The following CTNNBL1 variants were observed in gnomAD, a reference collection of about 807,000 sequenced individuals.
CTNNBL1 encodes catenin beta like 1.
A neutral mutation model predicts 72.7 loss-of-function variants in CTNNBL1; 31 were observed. The observed-to-expected ratio is 0.43, with a 90% CI of 0.32 to 0.58. The LOEUF (loss-of-function observed/expected upper bound fraction) is 0.58, where lower values mean the gene tolerates loss of function less well. Ranked by LOEUF, CTNNBL1 falls within the 20% of genes least tolerant of loss-of-function variation. The probability of loss-of-function intolerance (pLI) is 0.08; values close to 1 mark genes in which losing one functional copy is unlikely to be tolerated. For synonymous variants in CTNNBL1, 240 were observed against 267.3 expected, an observed-to-expected ratio of 0.90 and a Z score of 1.00; for missense variants, 534 against 725.1, an observed-to-expected ratio of 0.74 and a Z score of 3.03.
chr20:37,864,444 A>G (rs775303350), intron 15 of CTNNBL1, among the ~76,000 whole-genome samples: 1 of 152,190 alleles, frequency 6.6e-6, no homozygotes, highest in Non-Finnish European at 1.5e-5. Context: ...TGATGAGGCA[A>G]GCCCAGCGGG....
chr20:37,710,927 C>T (rs1218014392), intron 1 of CTNNBL1, among the ~76,000 whole-genome samples: 3 of 152,284 alleles, frequency 2.0e-5, no homozygotes, highest in African/African-American at 7.2e-5. Flanking sequence ...CCTCTGCTTT[C>T]GTCTCCTCTC....
At chr20:37,858,578 A>T (rs945613960) in intron 13 of CTNNBL1, among the ~76,000 whole-genome samples, 4 of 144,094 alleles carry the variant, frequency 2.8e-5, no homozygotes, top group African/African-American at 1.0e-4. Flanking sequence ...AGTGCCCAGG[A>T]TGAGGGGCGA....
chr20:37,839,643 T>A (rs563461482), intron 11 of CTNNBL1, among the ~76,000 whole-genome samples: 1 of 152,348 alleles, frequency 6.6e-6, no homozygotes, highest in South Asian at 2.1e-4. Flanking sequence ...TGGGTCCCTA[T>A]CATATTTCAT....
At chr20:37,871,855 T>C in intron 15 of CTNNBL1, 70 bp from the exon 16 acceptor site, 2 of 1,359,364 alleles carry the variant, frequency 1.5e-6, no homozygotes, top group Non-Finnish European at 2.1e-6. Context: ...CTGGGAAAGG[T>C]ATGAAGCGAC....
intron 11 of CTNNBL1, among the ~76,000 whole-genome samples, chr20:37,830,730 T>C (rs1290207082): frequency 6.6e-6 from 1 of 152,180 alleles, no homozygotes; most frequent in Non-Finnish European, 1.5e-5. Context: ...CCAAACATCA[T>C]AGCTCAGCCT....
At chr20:37,863,867 G>A (rs972204323) in intron 15 of CTNNBL1, among the ~76,000 whole-genome samples, 8 of 152,282 alleles carry the variant, frequency 5.3e-5, no homozygotes, top group South Asian at 2.1e-4. Flanking sequence ...CAAACATCAC[G>A]CTGGCAATTA....
intron 1 of CTNNBL1, among the ~76,000 whole-genome samples, chr20:37,704,540 C>A (rs964011479): frequency 6.6e-6 from 1 of 151,332 alleles, no homozygotes; most frequent in Admixed American, 6.6e-5. Context: ...CACAGTGAGA[C>A]ATCGTCTCAA....
intron 10 of CTNNBL1, among the ~76,000 whole-genome samples, chr20:37,785,280 C>CT (rs1458309780): frequency 6.6e-6 from 1 of 151,988 alleles, no homozygotes; most frequent in Admixed American, 6.5e-5. Flanking sequence ...GTTTTGTAAC[C>CT]TTTTGTTCTT....
intron 1 of CTNNBL1, among the ~76,000 whole-genome samples, chr20:37,722,044 A>G (rs1243539710): frequency 6.6e-6 from 1 of 152,146 alleles, no homozygotes; most frequent in Non-Finnish European, 1.5e-5. Context: ...TTGTCAATCC[A>G]ATGATAACTA....
At chr20:37,825,953 G>A (rs1421530218) in intron 11 of CTNNBL1, among the ~76,000 whole-genome samples, 2 of 152,194 alleles carry the variant, frequency 1.3e-5, no homozygotes, top group African/African-American at 4.8e-5. Flanking sequence ...ACTACAGGCT[G>A]GAGTCTCCTT....
Position 37,797,780 on chromosome 20 carries a change from G to A in CTNNBL1, c.1032-5087G>A, listed in dbSNP as rs114010150. 2.5e-3 allele frequency among the ~76,000 whole-genome samples: 377 copies of A among 152,230 alleles called. 2 individuals carry two copies. Among genetic ancestry groups the A allele is most frequent in the African/African-American group, 8.6e-3 (357 of 41,526 alleles). On this transcript the variant is annotated intron_variant, in intron 10 of 15. Coordinates refer to ENST00000361383, the MANE Select transcript of CTNNBL1 (RefSeq NM_030877.5). Reference sequence around the variant, plus strand: ...TAATCTTTCTTATACACAAAAGTCAGCCTGTCTTCTGTTTTGCTGCTGCCC... The same window carrying A: ...TAATCTTTCTTATACACAAAAGTCAACCTGTCTTCTGTTTTGCTGCTGCCC...
At chr20:37,814,480 A>C (rs538090119) in intron 11 of CTNNBL1, among the ~76,000 whole-genome samples, 1 of 152,176 alleles carries the variant, frequency 6.6e-6, no homozygotes, top group East Asian at 1.9e-4. Flanking sequence ...TTCTATTCCT[A>C]ACCATTCCCT....
intron 15 of CTNNBL1, among the ~76,000 whole-genome samples, chr20:37,866,930 G>A (rs1054401538): frequency 1.3e-5 from 2 of 152,248 alleles, no homozygotes. Flanking sequence ...CGACTTCCCC[G>A]GGGCCTTGTG....
intron 11 of CTNNBL1, among the ~76,000 whole-genome samples, chr20:37,817,203 G>A (rs1322875432): frequency 3.9e-5 from 6 of 152,142 alleles, no homozygotes; most frequent in Non-Finnish European, 8.8e-5. Context: ...TTAAGGAGAC[G>A]TCGGAGAACT....
intron 11 of CTNNBL1, among the ~76,000 whole-genome samples, chr20:37,834,643 G>A (rs2072239143): frequency 6.6e-6 from 1 of 152,136 alleles, no homozygotes; most frequent in African/African-American, 2.4e-5. Flanking sequence ...TATGTGGGAA[G>A]CATAACATGG....
At chr20:37,705,388 G>A (rs1418781308) in intron 1 of CTNNBL1, among the ~76,000 whole-genome samples, 2 of 152,166 alleles carry the variant, frequency 1.3e-5, no homozygotes, top group Admixed American at 6.5e-5. Flanking sequence ...CATAGTGAGT[G>A]CCCAGTAAGT....
At chr20:37,770,603 G>A (rs1303743612) in intron 7 of CTNNBL1, among the ~76,000 whole-genome samples, 2 of 151,298 alleles carry the variant, frequency 1.3e-5, no homozygotes, top group Non-Finnish European at 2.9e-5. Context: ...TGACTTTTGA[G>A]TGTTTGGCTT....
At chr20:37,819,755 T>C (rs2072089132) in intron 11 of CTNNBL1, among the ~76,000 whole-genome samples, 1 of 152,164 alleles carries the variant, frequency 6.6e-6, no homozygotes. Context: ...TCATAGCTTT[T>C]GTATAAGCCT....
intron 15 of CTNNBL1, among the ~76,000 whole-genome samples, chr20:37,864,865 G>A (rs1290466343): frequency 1.3e-5 from 2 of 152,288 alleles, no homozygotes; most frequent in African/African-American, 4.8e-5. Flanking sequence ...ATGGTAGGTA[G>A]AGTAGTCACT....
Sources: allele counts gnomAD v4.1 joint callset (sites outside exome capture counted in the v4.1 genomes callset), GRCh38; gene constraint gnomAD v4.1.1; transcripts MANE v1.5; gene names NCBI Gene and HGNC (gene_info 2026-07-23, HGNC 2026-07-21).